The following NDUFB5 variants were observed in gnomAD, a reference collection of about 807,000 sequenced individuals.
NDUFB5 encodes the protein NADH dehydrogenase [ubiquinone] 1 beta subcomplex subunit 5, mitochondrial.
Under a neutral mutation model 19.4 loss-of-function variants are expected in NDUFB5, and 19 were observed. That is an observed-to-expected ratio of 0.98 (90% CI 0.68 to 1.43). The LOEUF (loss-of-function observed/expected upper bound fraction) is 1.43, where lower values mean the gene tolerates loss of function less well. Among genes scored for constraint, NDUFB5 ranks in the 40% most tolerant of loss-of-function variants. The probability of loss-of-function intolerance (pLI) is 0.00; values close to 1 mark genes in which losing one functional copy is unlikely to be tolerated. For missense variants in NDUFB5, 233 were observed against 236.5 expected (o/e 0.99, Z 0.10); for synonymous variants, 80 against 82.6 (o/e 0.97, Z 0.17).
chr3:179,620,921 G>A (rs1560027067), intron 5 of NDUFB5, among the ~76,000 whole-genome samples: 1 of 152,046 alleles, frequency 6.6e-6, no homozygotes, highest in Non-Finnish European at 1.5e-5. Context: ...CAGTTTCCAT[G>A]TTTCAGTTTT....
chr3:179,610,364 A>G (rs1336056160), intron 1 of NDUFB5, among the ~76,000 whole-genome samples: 1 of 152,166 alleles, frequency 6.6e-6, no homozygotes, highest in African/African-American at 2.4e-5. Context: ...AAGTGCTGGG[A>G]TTACAGGAAT....
chr3:179,614,894 T>C (rs1719335225), intron 1 of NDUFB5, 77 bp from the exon 2 acceptor site: 1 of 1,037,004 alleles, frequency 9.6e-7, no homozygotes, highest in East Asian at 2.5e-5. Context: ...TATTTTTTTA[T>C]AATCTGATTT....
rs1719688909 is a variant in NDUFB5, at chr3:179,626,987, G to T, written c.*2947G>T. On this transcript the variant is annotated 3_prime_UTR_variant, in exon 6 of 6. Coordinates refer to ENST00000259037, the MANE Select transcript of NDUFB5 (RefSeq NM_002492.4). ...TCTGGGTAATTTATAAAGAAAAAAG[G>T]TGTAAATGGCTCATAGTTCTGCAGA... 6.6e-6 allele frequency: 1 copy of T among 152,150 alleles called. No individual in the cohort carries two copies. Among genetic ancestry groups the T allele is most frequent in the Non-Finnish European group, 1.5e-5 (1 of 68,040 alleles). 9.4% of individuals were successfully genotyped at this position (152,150 alleles called of 1,614,324 possible).
At chr3:179,606,488 G>T (rs538538444) in intron 1 of NDUFB5, among the ~76,000 whole-genome samples, 1 of 151,852 alleles carries the variant, frequency 6.6e-6, no homozygotes. Context: ...ACAGTTGCAC[G>T]CCTCCATGCC....
At chr3:179,608,580 G>A (rs1490408332) in intron 1 of NDUFB5, among the ~76,000 whole-genome samples, 1 of 152,186 alleles carries the variant, frequency 6.6e-6, no homozygotes, top group Non-Finnish European at 1.5e-5. Context: ...GTTTTCCAGA[G>A]CTTGTAGACC....
At chr3:179,609,507 C>T (rs557343596) in intron 1 of NDUFB5, among the ~76,000 whole-genome samples, 3 of 152,272 alleles carry the variant, frequency 2.0e-5, no homozygotes, top group Admixed American at 6.5e-5. Flanking sequence ...ATGTGTTGAA[C>T]GAGGTATTTG....
At chr3:179,604,966 C>G in intron 1 of NDUFB5, 27 bp downstream of exon 1, 1 of 1,529,588 alleles carries the variant, frequency 6.5e-7, no homozygotes, top group Non-Finnish European at 8.7e-7. Flanking sequence ...GGAGAACGGG[C>G]GTGAAGCGGG....
intron 5 of NDUFB5, among the ~76,000 whole-genome samples, chr3:179,619,532 A>G (rs902444822): frequency 1.3e-5 from 2 of 152,130 alleles, no homozygotes; most frequent in African/African-American, 4.8e-5. Flanking sequence ...ACATGAACTC[A>G]TCATTTTTTA....
rs935091015 is a variant in NDUFB5, at chr3:179,604,923, C to T, written c.108C>T (p.Gly36=). ...RLGFGGFLTR[G]FPKAAAPVRH... is the part of the protein sequence containing the mutation. ...GATTTGGGGGCTTCCTCACTCGTGG[C>T]TTTCCGAAGGCTGCTGGTGGGTGCT... is the stretch of plus-strand genomic sequence containing the variant. Residue 36 remains glycine (G), a synonymous_variant, in exon 1 of 6, where the codon GGC becomes GGT. Coordinates refer to ENST00000259037, the MANE Select transcript of NDUFB5 (RefSeq NM_002492.4). 1.9e-6 allele frequency: 3 copies of T among 1,585,374 alleles called. No homozygotes were observed. The highest frequency in any genetic ancestry group is 8.5e-7 in the Non-Finnish European group (1 of 1,171,088).
At chr3:179,622,891 TG>T (rs771428767) in intron 5 of NDUFB5, among the ~76,000 whole-genome samples, 9 of 151,978 alleles carry the variant, frequency 5.9e-5, no homozygotes, top group Non-Finnish European at 1.0e-4. Flanking sequence ...CAGGAATGTG[TG>T]ATTGTTTGTG....
chr3:179,615,753 G>A, intron 2 of NDUFB5: 1 of 577,566 alleles, frequency 1.7e-6, no homozygotes, highest in Non-Finnish European at 3.1e-6. Flanking sequence ...ATCCTATTTA[G>A]TGGTAGAAAT....
chr3:179,615,257 CA>C (rs924248402), intron 2 of NDUFB5, 198 bp downstream of exon 2: 1 of 367,218 alleles, frequency 2.7e-6, no homozygotes, highest in Non-Finnish European at 5.1e-6. Flanking sequence ...TCCTTCTTCA[CA>C]AAAGGATTTA....
chr3:179,604,833 G>C lies in NDUFB5; in HGVS notation c.18G>C (p.Leu6Phe), dbSNP rs753839280. ...TAGTAGCCATGGCGGCCATGAGTTT[G>C]TTGCGGCGGGTTTCGGTTACTGCGG... MAAMSLLRRVSVTAVA... is the reference protein window; with the variant it reads MAAMSFLRRVSVTAVA... The change falls in exon 1 of 6, where the codon TTG becomes TTC. Residue 6 changes from leucine to phenylalanine, a missense_variant. Leu to Phe is a conservative substitution (Grantham distance 22). Transcript: ENST00000259037. The C allele has an allele frequency of 2.5e-6, 4 of 1,606,498 alleles. No homozygotes were observed. In the South Asian group the frequency reaches 4.4e-5, roughly 18 times the overall value.
intron 1 of NDUFB5, among the ~76,000 whole-genome samples, chr3:179,606,595 C>T (rs1410609930): frequency 6.6e-6 from 1 of 152,156 alleles, no homozygotes; most frequent in Non-Finnish European, 1.5e-5. Flanking sequence ...GCCTTGGCCT[C>T]CCAGAGTGCT....
intron 5 of NDUFB5, among the ~76,000 whole-genome samples, chr3:179,620,410 A>G (rs199945883): frequency 6.6e-6 from 1 of 152,074 alleles, no homozygotes; most frequent in Non-Finnish European, 1.5e-5. Flanking sequence ...TCAGCTTTCT[A>G]CATATGGCTA....
chr3:179,620,193 T>G (rs1719496245), intron 5 of NDUFB5, among the ~76,000 whole-genome samples: 1 of 152,200 alleles, frequency 6.6e-6, no homozygotes, highest in Non-Finnish European at 1.5e-5. Context: ...GCAGAGCTCT[T>G]TAGTTTAATT....
At chr3:179,605,744 G>T (rs1719074600) in intron 1 of NDUFB5, among the ~76,000 whole-genome samples, 1 of 151,572 alleles carries the variant, frequency 6.6e-6, no homozygotes, top group Non-Finnish European at 1.5e-5. Context: ...TAGACGAAGG[G>T]GCCCTTGAAG....
intron 5 of NDUFB5, among the ~76,000 whole-genome samples, chr3:179,622,133 A>C (rs1347858890): frequency 1.3e-5 from 2 of 151,444 alleles, no homozygotes; most frequent in Non-Finnish European, 2.9e-5. Flanking sequence ...ATGCCCAACT[A>C]ATTGTTTAGG....
At chr3:179,623,665 C>A (rs1050558437) in intron 5 of NDUFB5, among the ~76,000 whole-genome samples, 2 of 152,072 alleles carry the variant, frequency 1.3e-5, no homozygotes, top group African/African-American at 4.8e-5. Context: ...CCGTGCAAGA[C>A]TCCGTCTCAA....
Sources: allele counts gnomAD v4.1 joint callset (sites outside exome capture counted in the v4.1 genomes callset), GRCh38; gene constraint gnomAD v4.1.1; transcripts MANE v1.5; gene names NCBI Gene and HGNC (gene_info 2026-07-23, HGNC 2026-07-21).